ZAN: variants seen among roughly 807,000 people sequenced by gnomAD.
ZAN encodes zonadhesin (gene/pseudogene).
A neutral mutation model predicts 286.2 loss-of-function variants in ZAN; 260 were observed. The observed-to-expected ratio is 0.91, with a 90% CI of 0.82 to 1.01. The LOEUF (loss-of-function observed/expected upper bound fraction) is 1.01, where lower values mean the gene tolerates loss of function less well. ZAN is among the 50% of genes least tolerant of loss of function. ZAN has a pLI of 0.00. For synonymous variants in ZAN, 1,368 were observed against 1,417.5 expected, an observed-to-expected ratio of 0.97 and a Z score of 0.79; for missense variants, 3,410 against 3,639.2, an observed-to-expected ratio of 0.94 and a Z score of 1.62.
intron 11 of ZAN, among the ~76,000 whole-genome samples, chr7:100,750,347 G>T (rs1050971171): frequency 2.0e-5 from 3 of 152,076 alleles, no homozygotes; most frequent in African/African-American, 7.2e-5. Flanking sequence ...ATGTTGGCCA[G>T]GATGGCCTTG....
Position 100,752,183 on chromosome 7 carries a change from C to G in ZAN, c.2078C>G (p.Thr693Arg). ...CCTACAGAAAAACCCAGCATCCCCA[C>G]GGAAAAACCCACCATCTCCATGGAA... is the stretch of plus-strand genomic sequence containing the variant. Reference protein sequence around the residue: ...SIPTEKPSIPTEKPTISMEET... With the variant: ...SIPTEKPSIPREKPTISMEET... The change falls in exon 14 of 48, where the codon ACG (threonine) becomes AGG (arginine). Residue 693 changes from threonine (T) to arginine (R), a missense_variant. Physicochemically the swap from Thr to Arg is moderately conservative, Grantham distance 71. Coordinates refer to ENST00000613979, the MANE Select transcript of ZAN (RefSeq NM_003386.3). The G allele has an allele frequency of 6.2e-7, 1 of 1,611,044 alleles. No individual in the cohort carries two copies.
At chr7:100,765,578 A>G (rs1440761928) in intron 23 of ZAN, 24 bp downstream of exon 23, 1 of 1,575,126 alleles carries the variant, frequency 6.3e-7, no homozygotes. Context: ...TGGACCTCTC[A>G]GCCCTGCAGC....
intron 35 of ZAN, among the ~76,000 whole-genome samples, chr7:100,781,205 C>T (rs1584618997): frequency 1.3e-5 from 2 of 151,970 alleles, no homozygotes; most frequent in Admixed American, 1.3e-4. Context: ...GTAGCTGGGA[C>T]TGCAGGCACG....
chr7:100,794,744 GGAA>G (rs1477601346), intron 44 of ZAN, among the ~76,000 whole-genome samples: 5 of 151,920 alleles, frequency 3.3e-5, no homozygotes, highest in African/African-American at 4.8e-5. Context: ...AGCTGAGGTG[GGAA>G]GATCACTTAA....
chr7:100,775,919 C>G, intron 33 of ZAN, 86 bp downstream of exon 33: 3 of 1,526,506 alleles, frequency 2.0e-6, no homozygotes, highest in South Asian at 2.5e-5. Flanking sequence ...GTGTTCGCAT[C>G]GTGCCTGCCC....
At position 100,737,330 on chromosome 7, in the gene ZAN, C is replaced by T; in HGVS notation, c.594C>T (p.Arg198=). 1.4e-6 allele frequency: 2 copies of T among 1,475,832 alleles called. No homozygotes were observed. The highest frequency in any genetic ancestry group is 4.0e-5 in the Admixed American group (2 of 50,514). The allele number at this position is 1,475,832 out of a possible 1,614,324, so 91.4% of individuals were successfully genotyped here. A position where few individuals can be genotyped will look rare whatever the true frequency, so the allele number is the denominator to read the frequency against. The change falls in exon 6 of 48, where the codon CGC becomes CGT. Residue 198 remains arginine, a synonymous_variant. Transcript: ENST00000613979. Reference sequence around the variant, plus strand: ...TCGCCCTGGATGCCCTCTCTATCCGCCGGGGCTCCTGTAATCGCGGTGAGT... The same window carrying T: ...TCGCCCTGGATGCCCTCTCTATCCGTCGGGGCTCCTGTAATCGCGGTGAGT... The part of the protein sequence containing the change: ...LDIALDALSI[R]RGSCNRVCMM...
Position 100,736,952 on chromosome 7 carries a change from A to T in ZAN, c.397A>T (p.Arg133Trp). 6.7e-7 allele frequency: 1 copy of T among 1,503,482 alleles called. No homozygotes were observed. The allele number at this position is 1,503,482 out of a possible 1,614,324, so 93.1% of individuals were successfully genotyped here. The change falls in exon 5 of 48, where the codon AGG becomes TGG. Residue 133 changes from arginine to tryptophan, a missense_variant. This residue lies in a region of ZAN where 872 missense variants were observed against 938.9 expected (regional missense o/e 0.93). Transcript: ENST00000613979. ...MFGLSWGAQL[R>W]LLLLSGEEGR... ...CGGGCTGTCTTGGGGCGCCCAGCTC[A>T]GGCTGCTGCTGCTCTCGGGTGAAGA...
rs751617675 is a variant in ZAN at position 100,737,249 on chromosome 7, T to A, written c.526-13T>A. 6.8e-7 allele frequency: 1 copy of A among 1,470,170 alleles called. No individual in the cohort carries two copies. Among genetic ancestry groups the A allele is most frequent in the Admixed American group, 2.0e-5 (1 of 50,380 alleles). The allele number at this position is 1,470,170 out of a possible 1,614,324, so 91.1% of individuals were successfully genotyped here. ...GGGGCTCATGGGGTTGGGGTCCCCT[T>A]ATCCTCTTGCAGCTGATGTTTGAGG... On this transcript the variant is annotated splice_polypyrimidine_tract_variant and intron_variant, in intron 5 of 47. Coordinates refer to ENST00000613979, the MANE Select transcript of ZAN (RefSeq NM_003386.3).
At position 100,791,028 on chromosome 7, in the gene ZAN, C is replaced by T. The variant is rs1811915066; in HGVS notation, c.7444C>T (p.Pro2482Ser). 1.2e-6 allele frequency: 2 copies of T among 1,612,882 alleles called. No individual in the cohort carries two copies. The highest frequency in any genetic ancestry group is 1.7e-6 in the Non-Finnish European group (2 of 1,179,552). Reference sequence around the variant, plus strand: ...GAACCGCAAGAATGACATGATGCTGCCCAGTGGCGCCCTGACCCAGAACCT... The same window carrying T: ...GAACCGCAAGAATGACATGATGCTGTCCAGTGGCGCCCTGACCCAGAACCT... ...DKNRKNDMML[P>S]SGALTQNLNT... is the part of the protein sequence containing the mutation. The change falls in exon 40 of 48, where the codon CCC becomes TCC. Residue 2482 changes from proline (P) to serine (S), a missense_variant. Physicochemically the swap from Pro to Ser is moderately conservative, Grantham distance 74. Coordinates refer to ENST00000613979, the MANE Select transcript of ZAN (RefSeq NM_003386.3).
Position 100,789,115 on chromosome 7 carries a change from C to G in ZAN, c.7228-103C>G, listed in dbSNP as rs186153313. Reference sequence around the variant, plus strand: ...GGGGTATCTTATTCCACTCTCTGCACGGAGACATATGGAGATGACTGGGAA... The same window carrying G: ...GGGGTATCTTATTCCACTCTCTGCAGGGAGACATATGGAGATGACTGGGAA... On this transcript the variant is annotated intron_variant, in intron 38 of 47. Coordinates refer to ENST00000613979, the MANE Select transcript of ZAN (RefSeq NM_003386.3). 1.4e-5 allele frequency: 21 copies of G among 1,468,756 alleles called. No individual in the cohort carries two copies. In the East Asian group the frequency reaches 5.0e-4, roughly 35 times the overall value. The allele number at this position is 1,468,756 out of a possible 1,614,324, so 91.0% of individuals were successfully genotyped here. A position where few individuals can be genotyped will look rare whatever the true frequency, so the allele number is the denominator to read the frequency against.
At position 100,773,782 on chromosome 7, in the gene ZAN, A is replaced by G; in HGVS notation, c.5696A>G (p.Asn1899Ser). Residue 1899 changes from asparagine (N) to serine (S), a missense_variant, in exon 31 of 48, where the codon AAC (asparagine) becomes AGC (serine). By Grantham distance (46) the Asn-to-Ser change is conservative (BLOSUM62 1). Coordinates refer to ENST00000613979, the MANE Select transcript of ZAN (RefSeq NM_003386.3). Reference protein sequence around the residue: ...CTRLCTCSVHNNITCFQSTCK... With the variant: ...CTRLCTCSVHSNITCFQSTCK... ...AGGCTCTGCACCTGCTCCGTCCACAACAACATCACCTGCTTCCAGAGCACC... is the reference window on the plus strand; with the variant it reads ...AGGCTCTGCACCTGCTCCGTCCACAGCAACATCACCTGCTTCCAGAGCACC... 6.2e-7 allele frequency: 1 copy of G among 1,612,636 alleles called. No homozygotes were observed. The highest frequency in any genetic ancestry group is 8.5e-7 in the Non-Finnish European group (1 of 1,179,320).
In ZAN at chr7:100,750,745, A is replaced by G. The variant is rs1808600336; in HGVS notation, c.1370A>G (p.Tyr457Cys). The change falls in exon 12 of 48, where the codon TAT becomes TGT. Residue 457 changes from tyrosine to cysteine, a missense_variant. Around this residue, in one of 7 missense-constraint regions of ZAN, gnomAD observed 872 missense variants for 938.9 expected, o/e 0.93. Coordinates refer to ENST00000613979, the MANE Select transcript of ZAN (RefSeq NM_003386.3). Reference sequence around the variant, plus strand: ...TGCGTGGAGTTCGCATACCACATGTATGGCCTTGGGGAGGGTACTATGCTC... The same window carrying G: ...TGCGTGGAGTTCGCATACCACATGTGTGGCCTTGGGGAGGGTACTATGCTC... ...DICVEFAYHMYGLGEGTMLEL... is the reference protein window; with the variant it reads ...DICVEFAYHMCGLGEGTMLEL... 1 of 1,613,108 alleles carries G rather than the reference A, an allele frequency of 6.2e-7. No homozygotes were observed. The highest frequency in any genetic ancestry group is 2.2e-5 in the East Asian group (1 of 44,864).
At chr7:100,781,925 G>A (rs1221490552) in intron 35 of ZAN, among the ~76,000 whole-genome samples, 1 of 152,162 alleles carries the variant, frequency 6.6e-6, no homozygotes, top group African/African-American at 2.4e-5. Context: ...ACAGGCATGA[G>A]CCACTGCACC....
At chr7:100,760,854 G>C (rs1248625075) in intron 19 of ZAN, among the ~76,000 whole-genome samples, 2 of 152,160 alleles carry the variant, frequency 1.3e-5, no homozygotes, top group Non-Finnish European at 1.5e-5. Context: ...CTCGAAGGAA[G>C]AGTGGCTCCC....
chr7:100,797,661 A>G, intron 47 of ZAN, 38 bp downstream of exon 47: 1 of 1,613,996 alleles, frequency 6.2e-7, no homozygotes, highest in Non-Finnish European at 8.5e-7. Context: ...CTCGGGGCCT[A>G]GAGTTGAGTC....
intron 34 of ZAN, among the ~76,000 whole-genome samples, chr7:100,777,617 C>T (rs139963193): frequency 0.031 from 4,738 of 152,196 alleles, 94 homozygotes; most frequent in Non-Finnish European, 0.045. Flanking sequence ...CCCACTCAGC[C>T]TCCCAAAGTG....
Position 100,783,783 on chromosome 7 carries a change from T to TATATACACAC in ZAN, c.6623-839_6623-838insTATACACACA, listed in dbSNP as rs377402352. The stretch of plus-strand genomic sequence containing the variant: ...AAAAAAATATATATATATATATATA[T>TATATACACAC]ACACATATATATATATACACACATA... On this transcript the variant is annotated intron_variant, in intron 35 of 47. Coordinates refer to ENST00000613979, the MANE Select transcript of ZAN (RefSeq NM_003386.3). 5.9e-4 allele frequency among the ~76,000 whole-genome samples: 12 copies of TATATACACAC among 20,486 alleles called. 3 individuals are homozygous for TATATACACAC. Among genetic ancestry groups the TATATACACAC allele is most frequent in the African/African-American group, 1.5e-3 (11 of 7,374 alleles). 13.4% of individuals were successfully genotyped at this position (20,486 alleles called of 152,430 possible). A position where few individuals can be genotyped will look rare whatever the true frequency, so the allele number is the denominator to read the frequency against.
intron 19 of ZAN, among the ~76,000 whole-genome samples, chr7:100,761,188 G>A (rs939669796): frequency 3.9e-5 from 6 of 152,152 alleles, no homozygotes; most frequent in Middle Eastern, 3.4e-3. Context: ...CACTGTGCCC[G>A]GCGAAAGAAA....
rs1414023828 is a variant in ZAN, at chr7:100,792,322, G to C, written c.7713-83G>C. ...ACACCGACTGATGTCTTTCTGTTTG[G>C]GGTTCCAGGCTCTCTTCTGCAGGGG... is the stretch of plus-strand genomic sequence containing the variant. On this transcript the variant is annotated intron_variant, in intron 41 of 47. Transcript: ENST00000613979. 2.6e-6 allele frequency: 4 copies of C among 1,520,666 alleles called. No individual in the cohort carries two copies. The African/African-American group carries it at 5.6e-5, about 21-fold the overall frequency. The allele number at this position is 1,520,666 out of a possible 1,614,324, so 94.2% of individuals were successfully genotyped here. A position where few individuals can be genotyped will look rare whatever the true frequency, so the allele number is the denominator to read the frequency against.
Sources: gnomAD v4.1 joint callset for allele counts (sites outside exome capture counted in the v4.1 genomes callset) on GRCh38, gnomAD v4.1.1 for gene constraint, gnomAD v4.1.1 regional missense constraint, MANE v1.5 for transcripts, NCBI Gene and HGNC (gene_info 2026-07-23, HGNC 2026-07-21) for gene names.